Variants in KIAA1217 observed in about 807,000 individuals in gnomAD.
KIAA1217 encodes KIAA1217.
A neutral mutation model predicts 163.9 loss-of-function variants in KIAA1217; 88 were observed. The ratio of observed to expected loss-of-function variants is 0.54; its 90% CI spans 0.45 to 0.64. The LOEUF is 0.64. Among genes scored for constraint, KIAA1217 ranks in the 30% least tolerant of loss-of-function variants. KIAA1217 has a pLI of 0.00. For missense variants in KIAA1217, 2,372 were observed against 2,475.0 expected (o/e 0.96, Z 0.88); for synonymous variants, 903 against 923.1 (o/e 0.98, Z 0.39).
At chr10:23,873,322 T>C (rs1840546808) in intron 1 of KIAA1217, among the ~76,000 whole-genome samples, 1 of 152,086 alleles carries the variant, frequency 6.6e-6, no homozygotes, top group Non-Finnish European at 1.5e-5. Flanking sequence ...ATCATTAATA[T>C]TCTTTACCAA....
At chr10:24,341,578 C>T (rs148853258) in intron 2 of KIAA1217, among the ~76,000 whole-genome samples, 1 of 152,260 alleles carries the variant, frequency 6.6e-6, no homozygotes, top group African/African-American at 2.4e-5. Context: ...GAAGTTGAAT[C>T]AGGGAAACGA....
At chr10:24,092,858 C>A (rs2061986516) in intron 2 of KIAA1217, among the ~76,000 whole-genome samples, 1 of 150,886 alleles carries the variant, frequency 6.6e-6, no homozygotes, top group African/African-American at 2.5e-5. Flanking sequence ...TTGTCAGAAT[C>A]CATATAACTC....
At chr10:24,491,820 T>C (rs1054742873) in intron 6 of KIAA1217, among the ~76,000 whole-genome samples, 2 of 152,188 alleles carry the variant, frequency 1.3e-5, no homozygotes, top group Admixed American at 6.5e-5. Context: ...TACTGTCTTC[T>C]GCATGTACTA....
intron 2 of KIAA1217, among the ~76,000 whole-genome samples, chr10:24,123,413 G>A (rs1213867658): frequency 6.6e-6 from 1 of 151,976 alleles, no homozygotes; most frequent in African/African-American, 2.4e-5. Flanking sequence ...AGGGAAGTGT[G>A]GGTTGTCCCT....
chr10:24,172,881 G>T (rs2065697373), intron 2 of KIAA1217, among the ~76,000 whole-genome samples: 1 of 152,192 alleles, frequency 6.6e-6, no homozygotes, highest in Non-Finnish European at 1.5e-5. Context: ...ATTCCTAAGT[G>T]AACTGTGGAC....
At chr10:23,723,970 C>T (rs13328756) in intron 1 of KIAA1217, among the ~76,000 whole-genome samples, 27,434 of 151,974 alleles carry the variant, frequency 0.18, 2,612 homozygotes, top group Middle Eastern at 0.25. Context: ...CGAATCATAG[C>T]GGAAGATAAA....
At chr10:23,912,868 T>C (rs76415825) in intron 1 of KIAA1217, among the ~76,000 whole-genome samples, 3,498 of 152,252 alleles carry the variant, frequency 0.023, 143 homozygotes, top group African/African-American at 0.077. Context: ...AGACACTGGC[T>C]GCAGGAGGGG....
chr10:24,043,709 G>T (rs902106957), intron 2 of KIAA1217, among the ~76,000 whole-genome samples: 1 of 152,106 alleles, frequency 6.6e-6, no homozygotes, highest in Admixed American at 6.5e-5. Context: ...CTTAGAAAAG[G>T]AATGTCAACT....
intron 1 of KIAA1217, among the ~76,000 whole-genome samples, chr10:23,952,182 C>A (rs1329231236): frequency 1.3e-5 from 2 of 152,210 alleles, no homozygotes; most frequent in Admixed American, 1.3e-4. Flanking sequence ...TAAGATAATA[C>A]CATCTGCGAT....
chr10:24,299,230 G>A (rs2040998282), intron 2 of KIAA1217, among the ~76,000 whole-genome samples: 2 of 152,098 alleles, frequency 1.3e-5, no homozygotes, highest in Admixed American at 1.3e-4. Flanking sequence ...CTAAAATCCA[G>A]GTTCTTTAGA....
In KIAA1217 at chr10:24,384,699, C is replaced by T. The variant is rs770154178; in HGVS notation, c.553+3632C>T. Among the ~76,000 whole-genome samples, 8 of 152,116 alleles carry T rather than the reference C, an allele frequency of 5.3e-5. No individual in the cohort carries two copies. The Middle Eastern group carries it at 0.017, about 323-fold the overall frequency. On this transcript the variant is annotated intron_variant, in intron 3 of 20. Transcript: ENST00000376454. Reference sequence around the variant, plus strand: ...CGCAGGTGCCTGCCACCATGCCTGGCTAATTTTTTAGTATTTTTAGTAGAG... The same window carrying T: ...CGCAGGTGCCTGCCACCATGCCTGGTTAATTTTTTAGTATTTTTAGTAGAG...
At chr10:24,431,440 C>T (rs1238546621) in intron 3 of KIAA1217, among the ~76,000 whole-genome samples, 1 of 152,134 alleles carries the variant, frequency 6.6e-6, no homozygotes, top group Non-Finnish European at 1.5e-5. Context: ...TTGGACAGTG[C>T]TTGGAGGGGC....
chr10:23,889,949 G>T (rs1841352054), intron 1 of KIAA1217, among the ~76,000 whole-genome samples: 1 of 151,672 alleles, frequency 6.6e-6, no homozygotes, highest in East Asian at 1.9e-4. Flanking sequence ...ATCTTTAGCA[G>T]GTTGTAGGTT....
At chr10:23,874,073 C>G (rs1035986392) in intron 1 of KIAA1217, among the ~76,000 whole-genome samples, 2 of 151,964 alleles carry the variant, frequency 1.3e-5, no homozygotes, top group Non-Finnish European at 2.9e-5. Context: ...TTTATGATAT[C>G]ATTTCTGTAG....
At chr10:23,730,287 A>G (rs1838404638) in intron 1 of KIAA1217, among the ~76,000 whole-genome samples, 2 of 151,984 alleles carry the variant, frequency 1.3e-5, no homozygotes, top group African/African-American at 2.4e-5. Flanking sequence ...TTTCAGCACC[A>G]TTTGTTGAAA....
intron 9 of KIAA1217, among the ~76,000 whole-genome samples, chr10:24,508,319 G>A (rs147447860): frequency 5.9e-4 from 90 of 152,226 alleles, no homozygotes; most frequent in Middle Eastern, 3.4e-3. Context: ...TAAAAACAGC[G>A]CTCTAGAAGT....
intron 1 of KIAA1217, among the ~76,000 whole-genome samples, chr10:23,739,390 G>GT (rs1032479314): frequency 7.2e-5 from 11 of 152,126 alleles, no homozygotes; most frequent in African/African-American, 2.2e-4. Context: ...ACACAATTTT[G>GT]TTTTTTAAAA....
intron 1 of KIAA1217, among the ~76,000 whole-genome samples, chr10:24,002,218 T>C (rs2131466841): frequency 6.6e-6 from 1 of 152,328 alleles, no homozygotes. Flanking sequence ...TCTTACCGCC[T>C]AATTCTCCTT....
intron 6 of KIAA1217, among the ~76,000 whole-genome samples, chr10:24,484,952 A>C (rs969025112): frequency 2.0e-5 from 3 of 152,164 alleles, no homozygotes; most frequent in African/African-American, 7.2e-5. Context: ...AATAGATTAA[A>C]GGCTGCCTGG....
Sources: allele counts gnomAD v4.1 joint callset (sites outside exome capture counted in the v4.1 genomes callset), GRCh38; gene constraint gnomAD v4.1.1; transcripts MANE v1.5; gene names NCBI Gene and HGNC (gene_info 2026-07-23, HGNC 2026-07-21).